The following DSG1 variants were observed in gnomAD, a reference collection of about 807,000 sequenced individuals.
DSG1 encodes desmoglein 1.
Under a neutral mutation model 97.5 loss-of-function variants are expected in DSG1, and 39 were observed. That is an observed-to-expected ratio of 0.40 (90% CI 0.31 to 0.52). The LOEUF (loss-of-function observed/expected upper bound fraction) is 0.52. DSG1 is among the 20% of genes least tolerant of loss of function. DSG1 has a pLI of 0.53. For synonymous variants in DSG1, 475 were observed against 443.4 expected (o/e 1.07, Z -0.90); for missense variants, 1,311 against 1,295.4 (o/e 1.01, Z -0.18).
At chr18:31,325,715 AT>A (rs1161764411) in intron 1 of DSG1, among the ~76,000 whole-genome samples, 1 of 152,200 alleles carries the variant, frequency 6.6e-6, no homozygotes. Context: ...AAGTTGCAAT[AT>A]AAATTCTTTG....
intron 1 of DSG1, among the ~76,000 whole-genome samples, chr18:31,322,594 T>A (rs1005094569): frequency 1.3e-5 from 2 of 152,208 alleles, no homozygotes; most frequent in African/African-American, 4.8e-5. Flanking sequence ...CTGATACCCT[T>A]TGTCAGAGCA....
intron 14 of DSG1, chr18:31,354,021 G>T (rs1321676543): frequency 2.6e-6 from 1 of 390,728 alleles, no homozygotes; most frequent in Non-Finnish European, 4.7e-6. Flanking sequence ...TGATTTTTTT[G>T]TGTATGGTTT....
rs183435134 is a variant in DSG1, at chr18:31,347,294, C to A, written c.2100+1096C>A. Among the ~76,000 whole-genome samples the A allele has an allele frequency of 2.5e-3, 385 of 152,254 alleles. 2 individuals carry two copies. The highest frequency in any genetic ancestry group is 8.1e-3 in the African/African-American group (338 of 41,538). On this transcript the variant is annotated intron_variant, in intron 14 of 14. Coordinates refer to ENST00000257192, the MANE Select transcript of DSG1 (RefSeq NM_001942.4). ...TTATATTTTAATAACATAGAAATAT[C>A]TTCCTTCCAATCTCTGATCAAATAT...
chr18:31,333,377 C>A (rs2071732181), intron 6 of DSG1, among the ~76,000 whole-genome samples: 1 of 152,106 alleles, frequency 6.6e-6, no homozygotes, highest in Non-Finnish European at 1.5e-5. Context: ...GAAATGAAGC[C>A]TTTTAAAACG....
rs2071970515 is a variant in DSG1, at chr18:31,357,646, A to C, written c.*2300A>C. Among the ~76,000 whole-genome samples the C allele has an allele frequency of 6.6e-6, 1 of 151,942 alleles. No homozygotes were observed. The highest frequency in any genetic ancestry group is 1.5e-5 in the Non-Finnish European group (1 of 67,870). ...ATCCATTGGTTGTTAAGATCCCCCC[A>C]ATTTAGTTACATCTGAACTCCTAAA... is the stretch of plus-strand genomic sequence containing the variant. On this transcript the variant is annotated 3_prime_UTR_variant, in exon 15 of 15. Transcript: ENST00000257192.
At chr18:31,325,008 G>A (rs1209528492) in intron 1 of DSG1, among the ~76,000 whole-genome samples, 1 of 152,194 alleles carries the variant, frequency 6.6e-6, no homozygotes, top group Non-Finnish European at 1.5e-5. Flanking sequence ...GAGAATTGGG[G>A]AAATACGTTG....
chr18:31,333,567 T>C (rs1412613938), intron 6 of DSG1, 22 bp from the exon 7 acceptor site: 1 of 1,613,692 alleles, frequency 6.2e-7, no homozygotes, highest in South Asian at 1.1e-5. Flanking sequence ...AGTGTGATAT[T>C]GCCTGTAATA....
chr18:31,345,948 A>G (rs2071829825), intron 13 of DSG1, 42 bp from the exon 14 acceptor site: 1 of 1,543,832 alleles, frequency 6.5e-7, no homozygotes, highest in African/African-American at 1.4e-5. Context: ...TTAGTTTATG[A>G]TAGACTAAAG....
chr18:31,339,964 C>T lies in DSG1; in HGVS notation c.1626C>T (p.Asp542=). ...PGNGAKDLLS[D]NVHFGPAGIG... ...ACGGAGCCAAAGATTTGTTATCAGA[C>T]AATGTACATTTTGGTCCTGCTGGCA... is the stretch of plus-strand genomic sequence containing the variant. Residue 542 remains aspartate (D), a synonymous_variant, in exon 11 of 15, where the codon GAC becomes GAT. Transcript: ENST00000257192. The T allele has an allele frequency of 9.3e-6, 15 of 1,614,056 alleles. No homozygotes were observed. The highest frequency in any genetic ancestry group is 1.3e-5 in the Non-Finnish European group (15 of 1,179,984).
chr18:31,327,439 T>C (rs1179613703), intron 3 of DSG1, among the ~76,000 whole-genome samples: 1 of 152,104 alleles, frequency 6.6e-6, no homozygotes, highest in Non-Finnish European at 1.5e-5. Context: ...CATTTTTCCA[T>C]ATCTTCCTTT....
Position 31,344,011 on chromosome 18 carries a change from T to A in DSG1, c.1891+16T>A. ...GACAACTCAGGTAAGAAAAAAGAAT[T>A]TGTTTAACATCTCAAATGCTTAAGT... is the stretch of plus-strand genomic sequence containing the variant. On this transcript the variant is annotated intron_variant, in intron 13 of 14. Transcript: ENST00000257192. 6.4e-7 allele frequency: 1 copy of A among 1,563,090 alleles called. No individual in the cohort carries two copies. The highest frequency in any genetic ancestry group is 8.8e-7 in the Non-Finnish European group (1 of 1,134,060).
intron 1 of DSG1, 98 bp from the exon 2 acceptor site, chr18:31,326,483 A>G: frequency 1.0e-6 from 1 of 971,062 alleles, no homozygotes; most frequent in Non-Finnish European, 1.6e-6. Context: ...ATGACTCACA[A>G]GCCTATGGTT....
chr18:31,323,555 T>A (rs1368389934), intron 1 of DSG1, among the ~76,000 whole-genome samples: 1 of 152,192 alleles, frequency 6.6e-6, no homozygotes, highest in African/African-American at 2.4e-5. Context: ...TATGAGAATC[T>A]TCCTGCTGAA....
intron 4 of DSG1, among the ~76,000 whole-genome samples, chr18:31,329,042 A>G (rs1474693396): frequency 1.3e-5 from 2 of 152,066 alleles, no homozygotes; most frequent in Non-Finnish European, 2.9e-5. Context: ...AAACTCCCAT[A>G]ATTATTTCTC....
At chr18:31,332,355 T>C (rs2071726551) in intron 6 of DSG1, among the ~76,000 whole-genome samples, 1 of 152,132 alleles carries the variant, frequency 6.6e-6, no homozygotes. Flanking sequence ...GTTTTTCCTA[T>C]GTAACATCTA....
chr18:31,354,523 C>T lies in DSG1; in HGVS notation c.2327C>T (p.Pro776Leu), dbSNP rs749203049. 1.2e-6 allele frequency: 2 copies of T among 1,614,164 alleles called. No homozygotes were observed. The highest frequency in any genetic ancestry group is 1.7e-6 in the Non-Finnish European group (2 of 1,180,016). Residue 776 changes from proline to leucine, a missense_variant, in exon 15 of 15, where the codon CCA becomes CTA. Pro to Leu is a moderately conservative substitution (Grantham distance 98). This residue lies in a region of DSG1 where 1,038 missense variants were observed against 964.6 expected (regional missense o/e 1.08). Coordinates refer to ENST00000257192, the MANE Select transcript of DSG1 (RefSeq NM_001942.4). ...TATCCAGACCTTGATCCTTCTTGGC[C>T]ACCACAAAGCACTGAACCAGTTTGC... ...ESYPDLDPSW[P>L]PQSTEPVCLP...
chr18:31,351,592 G>T (rs1174917503), intron 14 of DSG1, among the ~76,000 whole-genome samples: 1 of 151,680 alleles, frequency 6.6e-6, no homozygotes, highest in Non-Finnish European at 1.5e-5. Flanking sequence ...CATTATTAAT[G>T]TGTGGGAGTC....
At position 31,333,639 on chromosome 18, in the gene DSG1, G is replaced by T. The variant is rs1449413200; in HGVS notation, c.735G>T (p.Gly245=). Residue 245 remains glycine (G), a synonymous_variant, in exon 7 of 15, where the codon GGG becomes GGT. Coordinates refer to ENST00000257192, the MANE Select transcript of DSG1 (RefSeq NM_001942.4). ...LAVRGSDRDG[G]ADGMSAECEC... ...TAAGAGGCTCTGACCGAGATGGCGGGGCAGATGGCATGTCAGCGGAATGTG... is the reference window on the plus strand; with the variant it reads ...TAAGAGGCTCTGACCGAGATGGCGGTGCAGATGGCATGTCAGCGGAATGTG... 1 of 1,613,714 alleles carries T rather than the reference G, an allele frequency of 6.2e-7. No individual in the cohort carries two copies. Among genetic ancestry groups the T allele is most frequent in the African/African-American group, 1.3e-5 (1 of 74,878 alleles).
chr18:31,322,062 C>T (rs767436540), intron 1 of DSG1, among the ~76,000 whole-genome samples: 3 of 152,214 alleles, frequency 2.0e-5, no homozygotes, highest in Non-Finnish European at 4.4e-5. Context: ...ATGCCATTGG[C>T]TGCTGATCCA....
Sources: gnomAD v4.1 joint callset for allele counts (sites outside exome capture counted in the v4.1 genomes callset) on GRCh38, gnomAD v4.1.1 for gene constraint, gnomAD v4.1.1 regional missense constraint, MANE v1.5 for transcripts, NCBI Gene and HGNC (gene_info 2026-07-23, HGNC 2026-07-21) for gene names.